Variants in GPR161 observed in about 807,000 individuals in gnomAD.
GPR161 encodes the protein G protein-coupled receptor 161, also known as G-protein coupled receptor RE2.
GPR161 carries 25 observed loss-of-function variants against 39.2 expected under a neutral mutation model. The observed-to-expected ratio is 0.64, with a 90% CI of 0.47 to 0.89. GPR161 has a LOEUF of 0.89. Among genes scored for constraint, GPR161 ranks in the 40% least tolerant of loss-of-function variants. The pLI is 0.00. For synonymous variants in GPR161, 286 were observed against 276.6 expected (o/e 1.03, Z -0.34); for missense variants, 547 against 677.8 (o/e 0.81, Z 2.14).
chr1:168,108,368 AAC>A (rs1187501778), intron 1 of GPR161, among the ~76,000 whole-genome samples: 2 of 151,622 alleles, frequency 1.3e-5, no homozygotes, highest in Non-Finnish European at 2.9e-5. Context: ...ACCATATCCA[AAC>A]CATTGCACAC....
Position 168,097,103 on chromosome 1 carries a change from G to A in GPR161, c.504C>T (p.Ser168=), listed in dbSNP as rs1049033001. 14 of 1,614,018 alleles carry A rather than the reference G, an allele frequency of 8.7e-6. No individual in the cohort carries two copies. Among genetic ancestry groups the A allele is most frequent in the South Asian group, 1.1e-5 (1 of 91,076 alleles). The change falls in exon 3 of 6, where the codon TCC becomes TCT. Residue 168 remains serine (S), a synonymous_variant. Coordinates refer to ENST00000682931, the MANE Select transcript of GPR161 (RefSeq NM_001375883.1). ...TCCATTTGAACTCGTCAAACTCCAC[G>A]GATGACCAACCAAACAGGGGTGGCA... is the stretch of plus-strand genomic sequence containing the variant. ...GCLPPLFGWS[S]VEFDEFKWMC...
At chr1:168,106,632 G>A (rs1696652279) in intron 1 of GPR161, among the ~76,000 whole-genome samples, 1 of 152,176 alleles carries the variant, frequency 6.6e-6, no homozygotes, top group Non-Finnish European at 1.5e-5. Context: ...TTATATAAGT[G>A]TGTGATTGAC....
rs1235439665 is a variant in GPR161 at position 168,082,820 on chromosome 1, A to C, written c.*2711T>G. On this transcript the variant is annotated 3_prime_UTR_variant, in exon 6 of 6. Coordinates refer to ENST00000682931, the MANE Select transcript of GPR161 (RefSeq NM_001375883.1). Reference sequence around the variant, plus strand: ...GGCACTTGGGGTTTCGACCTTCTGCACTAACGGCAGATATCCTCAGAAATG... The same window carrying C: ...GGCACTTGGGGTTTCGACCTTCTGCCCTAACGGCAGATATCCTCAGAAATG... The C allele has an allele frequency of 6.6e-6, 1 of 152,294 alleles. No homozygotes were observed. Among genetic ancestry groups the C allele is most frequent in the Non-Finnish European group, 1.5e-5 (1 of 68,076 alleles). The allele number at this position is 152,294 out of a possible 1,614,324, so 9.4% of individuals were successfully genotyped here.
intron 4 of GPR161, chr1:168,089,630 G>A (rs750011020): frequency 3.9e-5 from 6 of 152,336 alleles, no homozygotes; most frequent in Non-Finnish European, 8.8e-5. Context: ...CAGCTTCAGC[G>A]GCACTCCCTC....
chr1:168,129,193 A>C (rs761381306), intron 1 of GPR161, among the ~76,000 whole-genome samples: 47 of 152,320 alleles, frequency 3.1e-4, no homozygotes, highest in Non-Finnish European at 5.6e-4. Flanking sequence ...AAGGCTCTCC[A>C]AGGACATGAC....
chr1:168,137,289 T>A (rs1378763331), upstream of GPR161: 5 of 1,520,964 alleles, frequency 3.3e-6, no homozygotes, highest in East Asian at 9.8e-5. Flanking sequence ...TCTCTCTCCA[T>A]CACACAGACA....
chr1:168,098,130 G>A lies in GPR161; in HGVS notation c.375-898C>T, dbSNP rs80007303. On this transcript the variant is annotated intron_variant, in intron 2 of 5. Coordinates refer to ENST00000682931, the MANE Select transcript of GPR161 (RefSeq NM_001375883.1). This position sits in a 1 kb window ranked among gnomAD's most constrained non-coding sequence, Gnocchi z 4.1. ...ATGCTCCAGACCCAGGTCTCACAGC[G>A]TTGGAGGCACTGACCCAGGACCACC... Among the ~76,000 whole-genome samples, 696 of 152,260 alleles carry A rather than the reference G, an allele frequency of 4.6e-3. 8 individuals are homozygous for A. In the East Asian group the frequency reaches 0.056, roughly 12 times the overall value.
intron 1 of GPR161, among the ~76,000 whole-genome samples, chr1:168,113,255 T>G (rs370142120): frequency 2.0e-5 from 3 of 152,262 alleles, no homozygotes; most frequent in East Asian, 3.9e-4. Context: ...ACTCACTACA[T>G]CTTGCCCTGG....
intron 1 of GPR161, among the ~76,000 whole-genome samples, chr1:168,106,291 A>G (rs1696617786): frequency 1.3e-5 from 2 of 152,230 alleles, no homozygotes; most frequent in Non-Finnish European, 1.5e-5. Context: ...CTCTAAGAAT[A>G]CATTTTCTGG....
chr1:168,100,748 A>G (rs1023431821), intron 2 of GPR161, among the ~76,000 whole-genome samples: 10 of 152,244 alleles, frequency 6.6e-5, no homozygotes, highest in Non-Finnish European at 1.3e-4. Context: ...TGCTAGCCCT[A>G]TCCATCCCAT....
intron 1 of GPR161, among the ~76,000 whole-genome samples, chr1:168,109,073 C>T (rs563930743): frequency 2.0e-5 from 3 of 152,242 alleles, no homozygotes; most frequent in Middle Eastern, 6.8e-3. Flanking sequence ...AGAAATTCCC[C>T]AAAATGCAGT....
In GPR161 at chr1:168,133,337, ATT is replaced by A. The variant is rs985908721; in HGVS notation, c.-45+3400_-45+3401del. Among the ~76,000 whole-genome samples, 6 of 152,188 alleles carry A rather than the reference ATT, an allele frequency of 3.9e-5. 1 individual carries two copies. The highest frequency in any genetic ancestry group is 1.4e-4 in the African/African-American group (6 of 41,450). ...GCTTAAATAACCACTTAAAATGTAC[ATT>A]TCCTTTGACCCACAGATCCCACGTC... On this transcript the variant is annotated intron_variant, in intron 1 of 5. Transcript: ENST00000682931.
At chr1:168,122,625 A>G (rs558883339) in intron 1 of GPR161, among the ~76,000 whole-genome samples, 4 of 151,958 alleles carry the variant, frequency 2.6e-5, no homozygotes, top group Non-Finnish European at 5.9e-5. Flanking sequence ...GATTCTTTCT[A>G]CTCCAACGCA....
Position 168,085,727 on chromosome 1 carries a change from C to T in GPR161, c.1394G>A (p.Ser465Asn). 8.1e-6 allele frequency: 13 copies of T among 1,614,218 alleles called. No individual in the cohort carries two copies. The highest frequency in any genetic ancestry group is 1.0e-5 in the Non-Finnish European group (12 of 1,180,036). The change falls in exon 6 of 6, where the codon AGC (serine) becomes AAC (asparagine). Residue 465 changes from serine to asparagine, a missense_variant. Physicochemically the swap from Ser to Asn is conservative, Grantham distance 46. Transcript: ENST00000682931. ...TTCGGCCTCAATGGCTTTGGCCAAG[C>T]TTGCTGCGTAACTGTCCAAGGACTT... Reference protein sequence around the residue: ...VHKSLDSYAASLAKAIEAEAK... With the variant: ...VHKSLDSYAANLAKAIEAEAK...
intron 3 of GPR161, among the ~76,000 whole-genome samples, chr1:168,096,041 C>T (rs1418638995): frequency 7.0e-6 from 1 of 142,300 alleles, no homozygotes. Context: ...GGCTGAGGCA[C>T]GAGGATCACT....
chr1:168,085,648 T>G lies in GPR161; in HGVS notation c.1473A>C (p.Ala491=). 6.2e-7 allele frequency: 1 copy of G among 1,614,176 alleles called. No individual in the cohort carries two copies. The highest frequency in any genetic ancestry group is 8.5e-7 in the Non-Finnish European group (1 of 1,180,042). Residue 491 remains alanine (A), a synonymous_variant, in exon 6 of 6, where the codon GCA becomes GCC. Transcript: ENST00000682931. ...CGAAGCCGCCCCCCGGGACAGTCCG[T>G]GCTGTAACCAAGACCCCTGGCAAAG... ...EEALPGVLVT[A]RTVPGGGFGG...
chr1:168,116,335 T>C (rs1307025788), intron 1 of GPR161, among the ~76,000 whole-genome samples: 1 of 152,138 alleles, frequency 6.6e-6, no homozygotes, highest in Non-Finnish European at 1.5e-5. Context: ...ATCCTCCAGG[T>C]GAGGAAAATT....
At chr1:168,123,305 A>C (rs1373684681) in intron 1 of GPR161, among the ~76,000 whole-genome samples, 1 of 152,078 alleles carries the variant, frequency 6.6e-6, no homozygotes, top group African/African-American at 2.4e-5. Flanking sequence ...AAAGAAATAA[A>C]GAATTAGTCA....
At chr1:168,123,326 T>C (rs1698326920) in intron 1 of GPR161, among the ~76,000 whole-genome samples, 1 of 152,024 alleles carries the variant, frequency 6.6e-6, no homozygotes, top group Non-Finnish European at 1.5e-5. Flanking sequence ...GGCATGGTAA[T>C]GCACACCTGT....
Sources: gnomAD v4.1 joint callset for allele counts (sites outside exome capture counted in the v4.1 genomes callset) on GRCh38, gnomAD v4.1.1 for gene constraint, Gnocchi (gnomAD v3.1) non-coding constraint, MANE v1.5 for transcripts, NCBI Gene and HGNC (gene_info 2026-07-23, HGNC 2026-07-21) for gene names.